Variants in SMYD3 observed in about 807,000 individuals in gnomAD.
SMYD3 encodes the protein SET and MYND domain containing 3.
Under a neutral mutation model 57.7 loss-of-function variants are expected in SMYD3, and 36 were observed. That is an observed-to-expected ratio of 0.62 (90% CI 0.48 to 0.82). The LOEUF (loss-of-function observed/expected upper bound fraction) is 0.82. Ranked by LOEUF, SMYD3 falls within the 40% of genes least tolerant of loss-of-function variation. SMYD3 has a pLI of 0.00. For missense variants in SMYD3, 515 were observed against 538.8 expected (o/e 0.96, Z 0.44); for synonymous variants, 211 against 195.0 (o/e 1.08, Z -0.68).
At chr1:246,054,105 C>A (rs1474974168) in intron 5 of SMYD3, among the ~76,000 whole-genome samples, 1 of 152,024 alleles carries the variant, frequency 6.6e-6, no homozygotes. Flanking sequence ...ATAATATAGG[C>A]AAAAGATTGA....
intron 5 of SMYD3, among the ~76,000 whole-genome samples, chr1:245,967,223 T>C (rs2058178502): frequency 6.6e-6 from 1 of 152,218 alleles, no homozygotes; most frequent in South Asian, 2.1e-4. Flanking sequence ...TCTTTATTAA[T>C]CTGGCTTTAT....
chr1:246,200,212 T>C (rs1410524068), intron 5 of SMYD3, among the ~76,000 whole-genome samples: 4 of 151,980 alleles, frequency 2.6e-5, no homozygotes, highest in African/African-American at 9.7e-5. Context: ...GAGAACAGTG[T>C]AGACGCTGAG....
At chr1:246,316,909 C>G (rs968324120) in intron 5 of SMYD3, among the ~76,000 whole-genome samples, 1 of 150,914 alleles carries the variant, frequency 6.6e-6, no homozygotes, top group Admixed American at 6.6e-5. Context: ...GCAGGAGAAT[C>G]GCTTGAACCT....
chr1:245,755,470 G>A (rs2045567152), intron 11 of SMYD3, among the ~76,000 whole-genome samples: 1 of 152,154 alleles, frequency 6.6e-6, no homozygotes, highest in African/African-American at 2.4e-5. Flanking sequence ...ACCAACTGTT[G>A]ACAGAGGAGG....
At chr1:245,978,826 C>T (rs898082076) in intron 5 of SMYD3, among the ~76,000 whole-genome samples, 1 of 152,116 alleles carries the variant, frequency 6.6e-6, no homozygotes, top group African/African-American at 2.4e-5. Context: ...TTCCCTCCAA[C>T]ACTACGAAGG....
intron 8 of SMYD3, among the ~76,000 whole-genome samples, chr1:245,911,509 A>G (rs1320000575): frequency 2.0e-5 from 3 of 151,818 alleles, no homozygotes; most frequent in Non-Finnish European, 1.5e-5. Flanking sequence ...ATATATATAT[A>G]TACACACACA....
At chr1:246,263,090 T>C (rs898931067) in intron 5 of SMYD3, among the ~76,000 whole-genome samples, 7 of 152,218 alleles carry the variant, frequency 4.6e-5, no homozygotes, top group Admixed American at 3.9e-4. Flanking sequence ...TTGGTACATG[T>C]ACTCAAGGCA....
At chr1:245,984,442 C>T (rs2058663062) in intron 5 of SMYD3, among the ~76,000 whole-genome samples, 1 of 152,206 alleles carries the variant, frequency 6.6e-6, no homozygotes, top group South Asian at 2.1e-4. Context: ...AGCACCTCCC[C>T]TCCTGTGCAA....
intron 5 of SMYD3, among the ~76,000 whole-genome samples, chr1:245,961,546 CCTTCT>C (rs1394462334): frequency 1.5e-5 from 1 of 68,286 alleles, no homozygotes; most frequent in Non-Finnish European, 3.2e-5. Context: ...CCTAAATCAT[CCTTCT>C]CTTCTACCTG....
chr1:246,502,353 A>C (rs2068469850), intron 1 of SMYD3, among the ~76,000 whole-genome samples: 1 of 151,882 alleles, frequency 6.6e-6, no homozygotes, highest in East Asian at 1.9e-4. Flanking sequence ...GCTCATCTTG[A>C]ACTTATGGGC....
chr1:245,780,302 A>T (rs79212667), intron 10 of SMYD3, among the ~76,000 whole-genome samples: 3,418 of 152,336 alleles, frequency 0.022, 146 homozygotes, highest in African/African-American at 0.078. Context: ...TAAATAAACA[A>T]AGTTGATATC....
intron 5 of SMYD3, among the ~76,000 whole-genome samples, chr1:246,163,595 A>C (rs927008681): frequency 1.3e-5 from 2 of 152,184 alleles, no homozygotes; most frequent in Non-Finnish European, 2.9e-5. Flanking sequence ...GTTTAATGAG[A>C]GTGCTCTCAA....
At chr1:245,834,388 C>T (rs1254365428) in intron 10 of SMYD3, among the ~76,000 whole-genome samples, 1 of 152,170 alleles carries the variant, frequency 6.6e-6, no homozygotes, top group African/African-American at 2.4e-5. Context: ...GGCAGGTAAG[C>T]ATGCGAACAC....
chr1:246,378,763 T>TA (rs2066329527), intron 1 of SMYD3, among the ~76,000 whole-genome samples: 1 of 117,038 alleles, frequency 8.5e-6, no homozygotes, highest in Non-Finnish European at 1.7e-5. Flanking sequence ...ATATTTAATA[T>TA]ATTATATATA....
At chr1:246,189,128 A>T (rs952787414) in intron 5 of SMYD3, 1 of 152,132 alleles carries the variant, frequency 6.6e-6, no homozygotes, top group African/African-American at 2.4e-5. Context: ...CGAACTAGCC[A>T]TTGGGTTTTG....
At chr1:245,872,379 G>T (rs1262761734) in intron 8 of SMYD3, among the ~76,000 whole-genome samples, 1 of 150,692 alleles carries the variant, frequency 6.6e-6, no homozygotes, top group Non-Finnish European at 1.5e-5. Flanking sequence ...CTCCTGAGCT[G>T]GCCGACCCCA....
chr1:246,155,560 T>C (rs922940841), intron 5 of SMYD3, among the ~76,000 whole-genome samples: 2 of 152,194 alleles, frequency 1.3e-5, no homozygotes, highest in Admixed American at 1.3e-4. Flanking sequence ...TCATGAAAGC[T>C]GAAAAGGAAA....
At chr1:245,853,413 G>A (rs2051075834) in intron 10 of SMYD3, among the ~76,000 whole-genome samples, 1 of 152,226 alleles carries the variant, frequency 6.6e-6, no homozygotes, top group Non-Finnish European at 1.5e-5. Flanking sequence ...CAAGCGCTGG[G>A]TATGTGACGG....
intron 5 of SMYD3, among the ~76,000 whole-genome samples, chr1:246,195,343 T>TA (rs1329810723): frequency 6.6e-6 from 1 of 152,168 alleles, no homozygotes; most frequent in Admixed American, 6.5e-5. Flanking sequence ...ATACCTGAAA[T>TA]AGAGTTCAAT....
Sources: gnomAD v4.1 joint callset for allele counts (sites outside exome capture counted in the v4.1 genomes callset) on GRCh38, gnomAD v4.1.1 for gene constraint, MANE v1.5 for transcripts, NCBI Gene and HGNC (gene_info 2026-07-23, HGNC 2026-07-21) for gene names.